FOXP2: variants seen among roughly 807,000 people sequenced by gnomAD.
FOXP2 encodes the protein forkhead box protein P2.
In FOXP2, 12 loss-of-function variants were observed where a neutral mutation model predicts 115.8. That is an observed-to-expected ratio of 0.10 (90% CI 0.07 to 0.17). The LOEUF (loss-of-function observed/expected upper bound fraction) is 0.17. FOXP2 is among the 10% of genes least tolerant of loss of function. FOXP2 has a pLI of 1.00. For missense variants in FOXP2, 629 were observed against 843.5 expected (o/e 0.75, Z 3.15); for synonymous variants, 328 against 297.7 (o/e 1.10, Z -1.05).
At chr7:114,161,101 G>C (rs1183217032), upstream of FOXP2, among the ~76,000 whole-genome samples, 1 of 152,126 alleles carries the variant, frequency 6.6e-6, no homozygotes, top group African/African-American at 2.4e-5. Flanking sequence ...AACCACTTCC[G>C]TGTTCTGGAA....
chr7:114,616,705 A>C (rs956718740), intron 3 of FOXP2, among the ~76,000 whole-genome samples: 1 of 152,168 alleles, frequency 6.6e-6, no homozygotes, highest in African/African-American at 2.4e-5. Context: ...AACTCCACCT[A>C]CACTATGACT....
chr7:114,472,144 G>T (rs1796077414), intron 2 of FOXP2, among the ~76,000 whole-genome samples: 1 of 152,002 alleles, frequency 6.6e-6, no homozygotes, highest in Non-Finnish European at 1.5e-5. Context: ...GGGCTTACCT[G>T]TAATCATGGT....
At chr7:114,466,173 G>A (rs961189544) in intron 2 of FOXP2, among the ~76,000 whole-genome samples, 1 of 152,042 alleles carries the variant, frequency 6.6e-6, no homozygotes, top group African/African-American at 2.4e-5. Flanking sequence ...CTCACCTATG[G>A]CCACTTTATA....
chr7:114,653,864 T>G, intron 9 of FOXP2, 62 bp from the exon 10 acceptor site: 1 of 1,475,416 alleles, frequency 6.8e-7, no homozygotes, highest in Admixed American at 1.7e-5. Context: ...GATGTATCAC[T>G]GCAATAAAAT....
At chr7:114,645,129 AATATATATATATATATATATATAT>A (rs60674425) in intron 8 of FOXP2, 59 of 32,658 alleles carry the variant, frequency 1.8e-3, no homozygotes, top group East Asian at 4.9e-3. Context: ...GAGTCATCCT[AATATATATATATATATATATATAT>A]ATATATATAT....
At chr7:114,245,237 G>A (rs1314955757) in intron 1 of FOXP2, among the ~76,000 whole-genome samples, 2 of 151,762 alleles carry the variant, frequency 1.3e-5, no homozygotes, top group African/African-American at 2.4e-5. Flanking sequence ...TTTTTCCTCT[G>A]CAAAGTGAAT....
At chr7:114,350,414 A>C (rs913549798) in intron 2 of FOXP2, among the ~76,000 whole-genome samples, 2 of 152,074 alleles carry the variant, frequency 1.3e-5, no homozygotes, top group Non-Finnish European at 2.9e-5. Context: ...TATTATATTT[A>C]TGTTTTCCTT....
At chr7:114,648,580 A>G (rs1049162860) in intron 8 of FOXP2, among the ~76,000 whole-genome samples, 5 of 152,144 alleles carry the variant, frequency 3.3e-5, no homozygotes, top group African/African-American at 4.8e-5. Flanking sequence ...ATAATCATCT[A>G]TAAAACCTTC....
chr7:114,528,163 A>C (rs1464976721), intron 2 of FOXP2, among the ~76,000 whole-genome samples: 1 of 152,064 alleles, frequency 6.6e-6, no homozygotes, highest in African/African-American at 2.4e-5. Flanking sequence ...CGTATGCTCT[A>C]TCCAAGATCA....
At chr7:114,181,984 C>A (rs1793467740) in intron 1 of FOXP2, among the ~76,000 whole-genome samples, 1 of 151,930 alleles carries the variant, frequency 6.6e-6, no homozygotes, top group South Asian at 2.1e-4. Flanking sequence ...GAACAAATTT[C>A]TTTTAATTAA....
intron 2 of FOXP2, among the ~76,000 whole-genome samples, chr7:114,471,876 C>G (rs1796063432): frequency 6.6e-6 from 1 of 151,046 alleles, no homozygotes; most frequent in Non-Finnish European, 1.5e-5. Flanking sequence ...AGGAGAATTG[C>G]TTGAACCCAG....
At chr7:114,231,763 C>G (rs2129165960) in intron 1 of FOXP2, among the ~76,000 whole-genome samples, 1 of 152,194 alleles carries the variant, frequency 6.6e-6, no homozygotes, top group Non-Finnish European at 1.5e-5. Context: ...GTGTAAAACT[C>G]CTATAAGAAA....
chr7:114,435,755 T>G (rs932673322), intron 2 of FOXP2, among the ~76,000 whole-genome samples: 14 of 152,154 alleles, frequency 9.2e-5, no homozygotes, highest in Admixed American at 3.3e-4. Flanking sequence ...GCCAGGCTTG[T>G]CTCGAGCTCC....
chr7:114,691,467 C>A lies in FOXP2; in HGVS notation c.*1541C>A, dbSNP rs1808663191. The A allele has an allele frequency of 4.4e-6, 2 of 453,946 alleles. No individual in the cohort carries two copies. Among genetic ancestry groups the A allele is most frequent in the Non-Finnish European group, 4.4e-6 (1 of 226,742 alleles). 28.1% of individuals were successfully genotyped at this position (453,946 alleles called of 1,614,324 possible). A position where few individuals can be genotyped will look rare whatever the true frequency, so the allele number is the denominator to read the frequency against. On this transcript the variant is annotated 3_prime_UTR_variant, in exon 17 of 17. Transcript: ENST00000350908. ...TGCTTATACGGGATATTAACACTAACAATACACTCCCTTCAAAGACTTGCA... is the reference window on the plus strand; with the variant it reads ...TGCTTATACGGGATATTAACACTAAAAATACACTCCCTTCAAAGACTTGCA...
At chr7:114,418,184 G>C (rs1456571771) in intron 1 of FOXP2, among the ~76,000 whole-genome samples, 1 of 151,930 alleles carries the variant, frequency 6.6e-6, no homozygotes, top group Non-Finnish European at 1.5e-5. Flanking sequence ...AATTTCTCCT[G>C]TTATGTCCTA....
intron 3 of FOXP2, among the ~76,000 whole-genome samples, chr7:114,564,796 A>T (rs1800924435): frequency 6.6e-6 from 1 of 151,106 alleles, no homozygotes; most frequent in Non-Finnish European, 1.5e-5. Context: ...TGAGAGGATT[A>T]CTTGATCCTA....
intron 2 of FOXP2, among the ~76,000 whole-genome samples, chr7:114,451,269 G>C (rs180763484): frequency 6.6e-6 from 1 of 151,994 alleles, no homozygotes; most frequent in Non-Finnish European, 1.5e-5. Flanking sequence ...TGAAATTCTA[G>C]ATCTAGAAAG....
chr7:114,600,705 T>C (rs967276050), intron 3 of FOXP2, among the ~76,000 whole-genome samples: 8 of 152,198 alleles, frequency 5.3e-5, no homozygotes, highest in Non-Finnish European at 1.2e-4. Context: ...ATAATAGGTG[T>C]GAAGTGCTAG....
At chr7:114,662,919 G>A (rs951700904) in intron 14 of FOXP2, among the ~76,000 whole-genome samples, 1 of 152,020 alleles carries the variant, frequency 6.6e-6, no homozygotes, top group African/African-American at 2.4e-5. Context: ...TGACTTTAAT[G>A]TATTTTATCT....
Sources: allele counts gnomAD v4.1 joint callset (sites outside exome capture counted in the v4.1 genomes callset), GRCh38; gene constraint gnomAD v4.1.1; transcripts MANE v1.5; gene names NCBI Gene and HGNC (gene_info 2026-07-23, HGNC 2026-07-21).